The following PTGIS variants were observed in gnomAD, a reference collection of about 807,000 sequenced individuals.
The protein encoded by PTGIS is prostacyclin synthase.
A neutral mutation model predicts 50.3 loss-of-function variants in PTGIS; 45 were observed. The ratio of observed to expected loss-of-function variants is 0.90; its 90% confidence interval spans 0.70 to 1.15. The LOEUF is 1.15. PTGIS is among the 50% of genes most tolerant of loss of function. The pLI is 0.00. For synonymous variants in PTGIS, 260 were observed against 267.7 expected, an observed-to-expected ratio of 0.97 and a Z score of 0.28; for missense variants, 668 against 661.3, an observed-to-expected ratio of 1.01 and a Z score of -0.11.
At chr20:49,543,336 C>A (rs1982278148) in intron 4 of PTGIS, among the ~76,000 whole-genome samples, 1 of 152,160 alleles carries the variant, frequency 6.6e-6, no homozygotes, top group African/African-American at 2.4e-5. Flanking sequence ...TCCTGCCTCC[C>A]TCTCCACCCC....
chr20:49,566,907 G>A (rs756505039), intron 1 of PTGIS, among the ~76,000 whole-genome samples: 71 of 152,194 alleles, frequency 4.7e-4, no homozygotes, highest in Middle Eastern at 3.2e-3. Context: ...TTTTAGTGGC[G>A]ACAAATGTCC....
Position 49,568,117 on chromosome 20 carries a change from C to CGCGGGGCTGGCGGGGCTGGCGGGGCTG in PTGIS, c.-2_-1insCAGCCCCGCCAGCCCCGCCAGCCCCGC, listed in dbSNP as rs773006734. The CGCGGGGCTGGCGGGGCTGGCGGGGCTG allele has an allele frequency of 0.014, 10,755 of 784,850 alleles. 328 individuals are homozygous for CGCGGGGCTGGCGGGGCTGGCGGGGCTG. Among genetic ancestry groups the CGCGGGGCTGGCGGGGCTGGCGGGGCTG allele is most frequent in the African/African-American group, 0.039 (1,744 of 44,238 alleles). The allele number at this position is 784,850 out of a possible 1,614,324, so 48.6% of individuals were successfully genotyped here. A position where few individuals can be genotyped will look rare whatever the true frequency, so the allele number is the denominator to read the frequency against. On this transcript the variant is annotated 5_prime_UTR_variant, in exon 1 of 10. Transcript: ENST00000244043. ...GGCCGAGGAGCGCGGCCCAAGCCAT[C>CGCGGGGCTGGCGGGGCTGGCGGGGCTG]GCGGGGCTGGCGGGGCTGGCGGGGC...
intron 1 of PTGIS, among the ~76,000 whole-genome samples, chr20:49,554,230 T>C (rs1412624347): frequency 6.6e-6 from 1 of 152,194 alleles, no homozygotes; most frequent in African/African-American, 2.4e-5. Flanking sequence ...ATTTTTTCCC[T>C]CAGGTCCTAA....
intron 1 of PTGIS, among the ~76,000 whole-genome samples, chr20:49,559,648 G>A (rs1279711935): frequency 6.6e-6 from 1 of 152,188 alleles, no homozygotes; most frequent in Non-Finnish European, 1.5e-5. Context: ...TTCATGCTAC[G>A]ATGTGGGTGA....
chr20:49,541,849 C>T (rs1209866176), intron 4 of PTGIS, among the ~76,000 whole-genome samples: 2 of 152,148 alleles, frequency 1.3e-5, no homozygotes, highest in East Asian at 1.9e-4. Flanking sequence ...CAAAAGAGCA[C>T]GGCTGAAGAC....
chr20:49,512,949 G>A, intron 8 of PTGIS, 131 bp downstream of exon 8: 2 of 1,106,050 alleles, frequency 1.8e-6, no homozygotes, highest in Middle Eastern at 2.1e-4. Flanking sequence ...ACACAGAGAG[G>A]TGAAGCAATC....
At chr20:49,559,323 G>C (rs1474712509) in intron 1 of PTGIS, among the ~76,000 whole-genome samples, 1 of 152,180 alleles carries the variant, frequency 6.6e-6, no homozygotes, top group Non-Finnish European at 1.5e-5. Context: ...AACTAAGGCA[G>C]ACACATTCCT....
intron 5 of PTGIS, among the ~76,000 whole-genome samples, chr20:49,526,915 G>T (rs1455835583): frequency 6.6e-6 from 1 of 152,170 alleles, no homozygotes; most frequent in Non-Finnish European, 1.5e-5. Flanking sequence ...AAAGAGTTTA[G>T]CAGTTCCTCA....
At chr20:49,519,141 C>A (rs1237352935) in intron 6 of PTGIS, among the ~76,000 whole-genome samples, 1 of 152,000 alleles carries the variant, frequency 6.6e-6, no homozygotes, top group East Asian at 1.9e-4. Flanking sequence ...GTCTGCCCCC[C>A]ACCACCCCAC....
chr20:49,506,603 C>A lies in PTGIS; in HGVS notation c.*1317G>T, dbSNP rs1011529963. 2.0e-5 allele frequency: 3 copies of A among 151,934 alleles called. No homozygotes were observed. The highest frequency in any genetic ancestry group is 7.3e-5 in the African/African-American group (3 of 41,136). 9.4% of individuals were successfully genotyped at this position (151,934 alleles called of 1,614,324 possible). A position where few individuals can be genotyped will look rare whatever the true frequency, so the allele number is the denominator to read the frequency against. The stretch of plus-strand genomic sequence containing the variant: ...ATGTTGGCCAGGCTGGTCTTGAACT[C>A]CCGACCTCAAGTGATCCGCCCACCT... On this transcript the variant is annotated 3_prime_UTR_variant, in exon 10 of 10. Coordinates refer to ENST00000244043, the MANE Select transcript of PTGIS (RefSeq NM_000961.4).
rs115567485 is a variant in PTGIS, at chr20:49,557,067, C to T, written c.75-6878G>A. Among the ~76,000 whole-genome samples, 582 of 152,234 alleles carry T rather than the reference C, an allele frequency of 3.8e-3. 4 individuals carry two copies. Among genetic ancestry groups the T allele is most frequent in the African/African-American group, 0.013 (551 of 41,546 alleles). ...ATGGCCTCTATCAGTTTTCCAGGTT[C>T]GTTCTTTCTTTTTTGTTTATCTGCT... On this transcript the variant is annotated intron_variant, in intron 1 of 9. Coordinates refer to ENST00000244043, the MANE Select transcript of PTGIS (RefSeq NM_000961.4).
chr20:49,510,882 C>A, intron 9 of PTGIS, 146 bp downstream of exon 9: 1 of 732,042 alleles, frequency 1.4e-6, no homozygotes, highest in South Asian at 1.7e-5. Flanking sequence ...GTTGTAAAAC[C>A]ACAAATAAGA....
intron 3 of PTGIS, among the ~76,000 whole-genome samples, chr20:49,547,423 T>A (rs553555986): frequency 1.3e-5 from 2 of 152,246 alleles, no homozygotes; most frequent in East Asian, 3.9e-4. Flanking sequence ...TGGCAGAGTA[T>A]GGACTCAGAA....
chr20:49,530,866 TCTC>T (rs1194836658), intron 5 of PTGIS, among the ~76,000 whole-genome samples: 2 of 152,184 alleles, frequency 1.3e-5, no homozygotes, highest in South Asian at 2.1e-4. Flanking sequence ...TTCAAGCAAT[TCTC>T]CTGCCTCAGC....
At chr20:49,539,424 A>AC in intron 5 of PTGIS, 146 bp downstream of exon 5, 2 of 994,820 alleles carry the variant, frequency 2.0e-6, no homozygotes, top group Non-Finnish European at 2.9e-6. Flanking sequence ...GCTCTTGCAT[A>AC]CCCCCAGTGA....
At chr20:49,562,354 G>T (rs1404273790) in intron 1 of PTGIS, among the ~76,000 whole-genome samples, 2 of 152,214 alleles carry the variant, frequency 1.3e-5, no homozygotes, top group South Asian at 4.1e-4. Context: ...GTTATTCCTG[G>T]CAGCTTTCCT....
At chr20:49,539,456 G>A (rs775902310) in intron 5 of PTGIS, 114 bp downstream of exon 5, 149 of 1,243,338 alleles carry the variant, frequency 1.2e-4, no homozygotes, top group Non-Finnish European at 1.6e-4. Flanking sequence ...CTGCCTCCCT[G>A]GGCATTGGAT....
At chr20:49,567,568 G>GCTAT (rs1982931362) in intron 1 of PTGIS, among the ~76,000 whole-genome samples, 1 of 152,242 alleles carries the variant, frequency 6.6e-6, no homozygotes, top group South Asian at 2.1e-4. Flanking sequence ...GAGGAGCGAG[G>GCTAT]CTATCCCTAT....
intron 9 of PTGIS, among the ~76,000 whole-genome samples, chr20:49,509,409 A>G (rs1297757838): frequency 2.0e-5 from 3 of 152,250 alleles, no homozygotes; most frequent in African/African-American, 4.8e-5. Context: ...GCTAGGCACC[A>G]TCTAAGCATT....
Sources: gnomAD v4.1 joint callset for allele counts (sites outside exome capture counted in the v4.1 genomes callset) on GRCh38, gnomAD v4.1.1 for gene constraint, MANE v1.5 for transcripts, NCBI Gene and HGNC (gene_info 2026-07-23, HGNC 2026-07-21) for gene names.